Variants in SNX30 observed in about 807,000 individuals in gnomAD.
SNX30 encodes the protein sorting nexin-30.
SNX30 carries 24 observed loss-of-function variants against 46.4 expected under a neutral mutation model. That is an observed-to-expected ratio of 0.52 (90% CI 0.37 to 0.73). The LOEUF (loss-of-function observed/expected upper bound fraction) is 0.73. SNX30 is among the 30% of genes least tolerant of loss of function. The pLI, the probability that SNX30 is intolerant of heterozygous loss-of-function variation, is 0.00. For synonymous variants in SNX30, 189 were observed against 211.5 expected (o/e 0.89, Z 0.92); for missense variants, 533 against 555.7 (o/e 0.96, Z 0.41).
intron 1 of SNX30, among the ~76,000 whole-genome samples, chr9:112,787,957 T>C (rs535889604): frequency 1.3e-3 from 203 of 152,124 alleles, no homozygotes; most frequent in Non-Finnish European, 2.5e-3. Context: ...CCACCACACC[T>C]GGCTAATTTT....
intron 3 of SNX30, among the ~76,000 whole-genome samples, chr9:112,820,561 C>G (rs916377100): frequency 1.3e-5 from 2 of 152,170 alleles, no homozygotes; most frequent in African/African-American, 4.8e-5. Flanking sequence ...ACATATAATT[C>G]ACCCATTTAA....
chr9:112,878,335 C>G (rs1841539923), downstream of SNX30: 2 of 152,272 alleles, frequency 1.3e-5, no homozygotes, highest in African/African-American at 4.8e-5. Flanking sequence ...ATTCCTAAAC[C>G]TTTGATATAT....
At chr9:112,856,158 A>G (rs577486974) in intron 7 of SNX30, among the ~76,000 whole-genome samples, 2 of 152,244 alleles carry the variant, frequency 1.3e-5, no homozygotes, top group Admixed American at 1.3e-4. Flanking sequence ...CAAAAAGTAA[A>G]TAAAAAAAGC....
At chr9:112,762,367 G>A (rs1294357970) in intron 1 of SNX30, among the ~76,000 whole-genome samples, 5 of 152,112 alleles carry the variant, frequency 3.3e-5, no homozygotes, top group African/African-American at 2.4e-5. Flanking sequence ...CCTATAGCTC[G>A]TGAGCATATG....
At chr9:112,829,415 G>T (rs376326439) in intron 3 of SNX30, among the ~76,000 whole-genome samples, 14 of 152,148 alleles carry the variant, frequency 9.2e-5, no homozygotes, top group African/African-American at 3.4e-4. Flanking sequence ...GGGACTATAG[G>T]TGCAAGCCAC....
Position 112,804,782 on chromosome 9 carries a change from A to G in SNX30, c.163A>G (p.Ile55Val). 1 of 1,603,200 alleles carries G rather than the reference A, an allele frequency of 6.2e-7. No individual in the cohort carries two copies. The highest frequency in any genetic ancestry group is 8.5e-7 in the Non-Finnish European group (1 of 1,174,202). The change falls in exon 2 of 9, where the codon ATT becomes GTT. Residue 55 changes from isoleucine to valine, a missense_variant. By Grantham distance (29) the Ile-to-Val change is conservative. Transcript: ENST00000374232. ...TGCTCTTTTCTTCTTTTAGGATCTC[A>G]TTTTGCCCAACGGTGGTACTCCAGC... is the stretch of plus-strand genomic sequence containing the variant. ...MARSFGDKDLILPNGGTPAGT... is the reference protein window; with the variant it reads ...MARSFGDKDLVLPNGGTPAGT...
At chr9:112,852,119 C>T (rs1487518943) in intron 7 of SNX30, among the ~76,000 whole-genome samples, 1 of 152,086 alleles carries the variant, frequency 6.6e-6, no homozygotes, top group Non-Finnish European at 1.5e-5. Context: ...TGGCCATAGG[C>T]AGGCCTCCTC....
intron 1 of SNX30, among the ~76,000 whole-genome samples, chr9:112,785,120 T>C (rs1316321315): frequency 6.6e-6 from 1 of 152,190 alleles, no homozygotes; most frequent in Non-Finnish European, 1.5e-5. Flanking sequence ...GATTATTTTG[T>C]CCCACTCTTT....
Position 112,818,824 on chromosome 9 carries a change from C to G in SNX30, c.459+1009C>G, listed in dbSNP as rs545261842. Among the ~76,000 whole-genome samples, 6 of 152,266 alleles carry G rather than the reference C, an allele frequency of 3.9e-5. No homozygotes were observed. The South Asian group carries it at 1.2e-3, about 32-fold the overall frequency. The stretch of plus-strand genomic sequence containing the variant: ...TTCTCAGTTTTCAGGGTGAAAAGAG[C>G]CACGTTGCCAGTACTGTGATAGGAA... On this transcript the variant is annotated intron_variant, in intron 3 of 8. Transcript: ENST00000374232.
intron 1 of SNX30, among the ~76,000 whole-genome samples, chr9:112,760,451 A>G (rs1839417761): frequency 6.6e-6 from 1 of 152,194 alleles, no homozygotes; most frequent in African/African-American, 2.4e-5. Context: ...GTGTGACCCT[A>G]ACAGAGCCAG....
rs77961817 is a variant in SNX30, at chr9:112,881,208, C to G, written n.3825-220C>G. On this transcript the variant is annotated intron_variant and non_coding_transcript_variant, in intron 5 of 5. Transcript: ENST00000604751. ...CCTCTGGCACCCTGGGCTTTCTCAT[C>G]TGCTGGAGCTCCAGAATCCTCAGGT... Among the ~76,000 whole-genome samples, 71 of 152,330 alleles carry G rather than the reference C, an allele frequency of 4.7e-4. No homozygotes were observed. In the East Asian group the frequency reaches 0.013, roughly 29 times the overall value.
chr9:112,862,124 C>A (rs1203690256), intron 7 of SNX30, among the ~76,000 whole-genome samples: 5 of 152,214 alleles, frequency 3.3e-5, no homozygotes, highest in Non-Finnish European at 5.9e-5. Flanking sequence ...TCCTAAAACC[C>A]ACAGCCGTGG....
intron 1 of SNX30, among the ~76,000 whole-genome samples, chr9:112,804,359 T>G (rs1156659647): frequency 1.3e-5 from 2 of 152,122 alleles, no homozygotes; most frequent in East Asian, 3.9e-4. Flanking sequence ...GAGACGGGGT[T>G]TCACCATGTT....
At chr9:112,827,503 T>A (rs2131439061) in intron 3 of SNX30, among the ~76,000 whole-genome samples, 1 of 152,316 alleles carries the variant, frequency 6.6e-6, no homozygotes, top group South Asian at 2.1e-4. Context: ...AATTCCCTCA[T>A]ACTCCAAATA....
At chr9:112,766,156 C>T (rs112377108) in intron 1 of SNX30, among the ~76,000 whole-genome samples, 11 of 152,224 alleles carry the variant, frequency 7.2e-5, no homozygotes, top group African/African-American at 1.7e-4. Flanking sequence ...GTCACCATGC[C>T]GTATATTAGG....
rs1840647541 is a variant in SNX30 at position 112,830,743 on chromosome 9, G to A, written c.478G>A (p.Val160Met). 3 of 1,610,080 alleles carry A rather than the reference G, an allele frequency of 1.9e-6. No homozygotes were observed. The highest frequency in any genetic ancestry group is 2.5e-6 in the Non-Finnish European group (3 of 1,179,088). Residue 160 changes from valine (V) to methionine (M), a missense_variant, in exon 4 of 9, where the codon GTG becomes ATG. Around this residue, in one of 3 missense-constraint regions of SNX30, gnomAD observed 81 missense variants for 124.4 expected, o/e 0.65. Transcript: ENST00000374232. ...TTCATAGCCTCTTCCCGAGAAGTTT[G>A]TGGTAAAAGGTGTTGTGGATCGTTT... The part of the protein sequence containing the change: ...HLIPPLPEKF[V>M]VKGVVDRFSE...
chr9:112,793,782 C>T (rs1840062333), intron 1 of SNX30, among the ~76,000 whole-genome samples: 1 of 144,640 alleles, frequency 6.9e-6, no homozygotes, highest in Admixed American at 7.0e-5. Flanking sequence ...TTTTCTTGTT[C>T]TTTTTACCTC....
In SNX30 at chr9:112,797,769, G is replaced by C. The variant is rs11792727; in HGVS notation, c.157-7007G>C. The stretch of plus-strand genomic sequence containing the variant: ...CTGTCGCCCAGACTGGAGTGCAGTG[G>C]CATGATCCCGGCTCACTGCAACCTC... On this transcript the variant is annotated intron_variant, in intron 1 of 8. Transcript: ENST00000374232. 8.0e-3 allele frequency among the ~76,000 whole-genome samples: 1,173 copies of C among 146,018 alleles called. 13 individuals carry two copies. Among genetic ancestry groups the C allele is most frequent in the Non-Finnish European group, 0.014 (911 of 67,028 alleles).
At chr9:112,796,261 C>G (rs1055915028) in intron 1 of SNX30, among the ~76,000 whole-genome samples, 4 of 152,188 alleles carry the variant, frequency 2.6e-5, no homozygotes, top group African/African-American at 9.7e-5. Context: ...GCCCGGTGTG[C>G]TAGTGTTGAT....
Sources: allele counts gnomAD v4.1 joint callset (sites outside exome capture counted in the v4.1 genomes callset), GRCh38; gene constraint gnomAD v4.1.1; regional missense constraint gnomAD v4.1.1; transcripts MANE v1.5; gene names NCBI Gene and HGNC (gene_info 2026-07-23, HGNC 2026-07-21).